Variants in SNPH observed in about 807,000 individuals in gnomAD.
SNPH encodes the protein syntaphilin.
A neutral mutation model predicts 36.8 loss-of-function variants in SNPH; 10 were observed. The ratio of observed to expected loss-of-function variants is 0.27; its 90% CI spans 0.17 to 0.46. The LOEUF (loss-of-function observed/expected upper bound fraction) is 0.46, where lower values mean the gene tolerates loss of function less well. Among genes scored for constraint, SNPH ranks in the 20% least tolerant of loss-of-function variants. The pLI is 1.00. For synonymous variants in SNPH, 281 were observed against 312.2 expected, an observed-to-expected ratio of 0.90 and a Z score of 1.05; for missense variants, 622 against 744.0, an observed-to-expected ratio of 0.84 and a Z score of 1.91.
intron 6 of SNPH, among the ~76,000 whole-genome samples, chr20:1,302,888 A>G (rs1008101389): frequency 3.9e-5 from 6 of 152,246 alleles, no homozygotes; most frequent in East Asian, 1.9e-4. Context: ...CATCTTCCCA[A>G]TGATGCCCAG....
chr20:1,281,425 T>A (rs540508778), intron 2 of SNPH, among the ~76,000 whole-genome samples: 61 of 152,358 alleles, frequency 4.0e-4, no homozygotes, highest in Non-Finnish European at 7.8e-4. Context: ...TAAACCTGAC[T>A]TTGACCTTAA....
intron 4 of SNPH, chr20:1,296,939 G>A: frequency 1.7e-6 from 1 of 596,984 alleles, no homozygotes; most frequent in Non-Finnish European, 2.1e-6. Flanking sequence ...GGAGCCAGGA[G>A]GACCAGCCTT....
chr20:1,298,852 A>AT (rs34011198), intron 5 of SNPH, among the ~76,000 whole-genome samples: 25,252 of 141,506 alleles, frequency 0.18, 2,416 homozygotes, highest in Middle Eastern at 0.28. Context: ...GTGTATACAT[A>AT]TTTTTTTTTT....
chr20:1,289,522 C>T lies in SNPH; in HGVS notation c.-492-5429C>T, dbSNP rs1424603923. ...AACGGTTCATTTAAATACACACACA[C>T]ACACACACACACACACACACACACA... On this transcript the variant is annotated intron_variant, in intron 2 of 6. Transcript: ENST00000381867. Among the ~76,000 whole-genome samples, 4 of 76,826 alleles carry T rather than the reference C, an allele frequency of 5.2e-5. No homozygotes were observed. The Admixed American group carries it at 5.4e-4, about 10-fold the overall frequency. The allele number at this position is 76,826 out of a possible 152,430, so 50.4% of individuals were successfully genotyped here. A position where few individuals can be genotyped will look rare whatever the true frequency, so the allele number is the denominator to read the frequency against.
chr20:1,298,136 C>G (rs73073684), intron 5 of SNPH, among the ~76,000 whole-genome samples: 3,254 of 151,786 alleles, frequency 0.021, 109 homozygotes, highest in Admixed American at 0.093. Context: ...GTGTAGGGAA[C>G]GAGCATAGGC....
chr20:1,296,667 T>C (rs2088439585), intron 4 of SNPH, among the ~76,000 whole-genome samples: 1 of 152,200 alleles, frequency 6.6e-6, no homozygotes, highest in Non-Finnish European at 1.5e-5. Flanking sequence ...GCCTCATCAA[T>C]ATTGTTTGAT....
In SNPH at chr20:1,300,613, G is replaced by T. The variant is rs372417908; in HGVS notation, c.342G>T (p.Pro114=). Residue 114 remains proline, a synonymous_variant, in exon 6 of 7, where the codon CCG becomes CCT. Coordinates refer to ENST00000381867, the MANE Select transcript of SNPH (RefSeq NM_001318234.2). ...GTGACAACCATGGCATCAAGCCCCC[G>T]ACCCCGGAGCAGTACCTGACCCCCC... ...LCSDNHGIKP[P]TPEQYLTPLQ... 144 of 1,613,632 alleles carry T rather than the reference G, an allele frequency of 8.9e-5. No homozygotes were observed. Among genetic ancestry groups the T allele is most frequent in the Non-Finnish European group, 9.3e-6 (11 of 1,180,004 alleles).
intron 2 of SNPH, among the ~76,000 whole-genome samples, chr20:1,286,089 T>TAAAAAAAAAAAAAAAAAAAAAAAA: frequency 9.9e-6 from 1 of 100,528 alleles, no homozygotes; most frequent in Non-Finnish European, 2.0e-5. Context: ...GACTCCATCT[T>TAAAAAAAAAAAAAAAAAAAAAAAA]AAAAAAAAAA....
Position 1,266,673 on chromosome 20 carries a change from C to G in SNPH, c.-580C>G. On this transcript the variant is annotated 5_prime_UTR_variant, in exon 2 of 7. Coordinates refer to ENST00000381867, the MANE Select transcript of SNPH (RefSeq NM_001318234.2). This position sits in a 1 kb window ranked among gnomAD's most constrained non-coding sequence, Gnocchi z 6.0. ...CCGCAGGTCGCTGATCAGGGCCAGG[C>G]GGCTGCAGCAGCGACTGCAGAGGCG... 1 of 1,484,370 alleles carries G rather than the reference C, an allele frequency of 6.7e-7. No homozygotes were observed. Among genetic ancestry groups the G allele is most frequent in the Non-Finnish European group, 8.9e-7 (1 of 1,120,018 alleles). The allele number at this position is 1,484,370 out of a possible 1,614,324, so 91.9% of individuals were successfully genotyped here. A position where few individuals can be genotyped will look rare whatever the true frequency, so the allele number is the denominator to read the frequency against.
At chr20:1,301,591 T>G (rs1290714863) in intron 6 of SNPH, among the ~76,000 whole-genome samples, 1 of 152,176 alleles carries the variant, frequency 6.6e-6, no homozygotes. Flanking sequence ...ATTAGATGAT[T>G]GTTAGTTTAG....
At chr20:1,303,828 C>T (rs753211050) in intron 6 of SNPH, among the ~76,000 whole-genome samples, 6 of 152,100 alleles carry the variant, frequency 3.9e-5, no homozygotes, top group Admixed American at 2.0e-4. Flanking sequence ...GTAGATTTTA[C>T]GGATGGGAAT....
intron 2 of SNPH, among the ~76,000 whole-genome samples, chr20:1,287,819 G>A (rs568350584): frequency 3.5e-4 from 54 of 152,312 alleles, no homozygotes; most frequent in Middle Eastern, 3.4e-3. Context: ...GAGAGAAGCC[G>A]GACTGAGGCT....
At chr20:1,270,531 T>C (rs2088060459) in intron 2 of SNPH, among the ~76,000 whole-genome samples, 1 of 152,190 alleles carries the variant, frequency 6.6e-6, no homozygotes, top group African/African-American at 2.4e-5. Flanking sequence ...CAAACAGCCC[T>C]AAAGACTTGT....
At position 1,296,257 on chromosome 20, in the gene SNPH, C is replaced by A; in HGVS notation, c.18C>A (p.Pro6=). 1 of 1,538,890 alleles carries A rather than the reference C, an allele frequency of 6.5e-7. No individual in the cohort carries two copies. The highest frequency in any genetic ancestry group is 8.7e-7 in the Non-Finnish European group (1 of 1,143,780). The change falls in exon 4 of 7, where the codon CCC becomes CCA. Residue 6 remains proline (P), a synonymous_variant. Coordinates refer to ENST00000381867, the MANE Select transcript of SNPH (RefSeq NM_001318234.2). The part of the protein sequence containing the change: MPGSG[P]SERMTWPGPA... ...GAGAAGCCATGCCGGGCAGCGGCCCCAGCGAGAGGATGACGTGGCCTGGCC... is the reference window on the plus strand; with the variant it reads ...GAGAAGCCATGCCGGGCAGCGGCCCAAGCGAGAGGATGACGTGGCCTGGCC...
At chr20:1,300,824 T>A in intron 6 of SNPH, 113 bp downstream of exon 6, 1 of 1,049,944 alleles carries the variant, frequency 9.5e-7, no homozygotes. Flanking sequence ...TCTCCCAGCA[T>A]CCGTCTGCTC....
chr20:1,282,448 A>G (rs1422869650), intron 2 of SNPH, among the ~76,000 whole-genome samples: 1 of 152,198 alleles, frequency 6.6e-6, no homozygotes, highest in Non-Finnish European at 1.5e-5. Flanking sequence ...GAAAATATAC[A>G]AGTTATATTT....
In SNPH at chr20:1,300,687, A is replaced by G. The variant is rs775827826; in HGVS notation, c.416A>G (p.Asp139Gly). The G allele has an allele frequency of 6.2e-7, 1 of 1,612,196 alleles. No individual in the cohort carries two copies. Among genetic ancestry groups the G allele is most frequent in the Non-Finnish European group, 8.5e-7 (1 of 1,179,940 alleles). The change falls in exon 6 of 7, where the codon GAC (aspartate) becomes GGC (glycine). Residue 139 changes from aspartate to glycine, a missense_variant. Asp to Gly is a moderately conservative substitution (Grantham distance 94). Transcript: ENST00000381867. ...CGGCACCTGAAAGCCCGGCTGAAGG[A>G]CACACAGGACCGGCTCCAGGACCGG... ...CIRHLKARLK[D>G]TQDRLQDRDT... is the part of the protein sequence containing the mutation.
intron 4 of SNPH, among the ~76,000 whole-genome samples, chr20:1,296,683 C>T (rs1475413515): frequency 6.6e-6 from 1 of 152,194 alleles, no homozygotes; most frequent in Non-Finnish European, 1.5e-5. Context: ...TTGATTTTCA[C>T]AACGACTGGA....
At chr20:1,272,928 G>A (rs773265546) in intron 2 of SNPH, among the ~76,000 whole-genome samples, 4 of 152,246 alleles carry the variant, frequency 2.6e-5, no homozygotes, top group Non-Finnish European at 4.4e-5. Flanking sequence ...CCCTAGCCAC[G>A]CCTCCCTACC....
Sources: gnomAD v4.1 joint callset for allele counts (sites outside exome capture counted in the v4.1 genomes callset) on GRCh38, gnomAD v4.1.1 for gene constraint, Gnocchi (gnomAD v3.1) non-coding constraint, MANE v1.5 for transcripts, NCBI Gene and HGNC (gene_info 2026-07-23, HGNC 2026-07-21) for gene names.